The following PCDHAC2 variants were observed in gnomAD, a reference collection of about 807,000 sequenced individuals.
PCDHAC2 encodes the protein protocadherin alpha subfamily C, 2.
A neutral mutation model predicts 63.3 loss-of-function variants in PCDHAC2; 24 were observed. The observed-to-expected ratio is 0.38, with a 90% CI of 0.27 to 0.53. PCDHAC2 has a LOEUF of 0.53. Among genes scored for constraint, PCDHAC2 ranks in the 20% least tolerant of loss-of-function variants. The probability of loss-of-function intolerance (pLI) is 0.81; values close to 1 mark genes in which losing one functional copy is unlikely to be tolerated. For synonymous variants in PCDHAC2, 569 were observed against 529.4 expected (o/e 1.07, Z -1.03); for missense variants, 1,181 against 1,275.2 (o/e 0.93, Z 1.12).
intron 3 of PCDHAC2, among the ~76,000 whole-genome samples, chr5:140,995,873 C>T (rs1554254864): frequency 6.6e-6 from 1 of 152,126 alleles, no homozygotes; most frequent in Non-Finnish European, 1.5e-5. Flanking sequence ...AATTGTGCAA[C>T]CTGTGCTTCA....
rs116202025 is a variant in PCDHAC2, at chr5:140,975,505, A to G, written c.2566-3444A>G. ...ATATCAATGTTCATAAAATAGCACTATGCAAAATCTGCAGTGGATATATTC... is the reference window on the plus strand; with the variant it reads ...ATATCAATGTTCATAAAATAGCACTGTGCAAAATCTGCAGTGGATATATTC... On this transcript the variant is annotated intron_variant, in intron 1 of 3. Transcript: ENST00000289269. Among the ~76,000 whole-genome samples, 512 of 152,350 alleles carry G rather than the reference A, an allele frequency of 3.4e-3. 3 individuals are homozygous for G. Among genetic ancestry groups the G allele is most frequent in the Middle Eastern group, 6.8e-3 (2 of 294 alleles).
Position 140,966,945 on chromosome 5 carries a change from A to G in PCDHAC2, c.179A>G (p.Asn60Ser). ...CAGGCACCCGGCGCGCTCGTGGGCA[A>G]CGTGGCTCGCGCGCTGGGGCTTGAG... is the stretch of plus-strand genomic sequence containing the variant. Reference protein sequence around the residue: ...EEQAPGALVGNVARALGLELR... With the variant: ...EEQAPGALVGSVARALGLELR... Residue 60 changes from asparagine (N) to serine (S), a missense_variant, in exon 1 of 4, where the codon AAC becomes AGC. By Grantham distance (46) the Asn-to-Ser change is conservative. Coordinates refer to ENST00000289269, the MANE Select transcript of PCDHAC2 (RefSeq NM_018899.6). 6.2e-7 allele frequency: 1 copy of G among 1,603,804 alleles called. No individual in the cohort carries two copies. Among genetic ancestry groups the G allele is most frequent in the Non-Finnish European group, 8.5e-7 (1 of 1,178,538 alleles).
chr5:141,009,710 C>A lies in PCDHAC2; in HGVS notation c.2797C>A (p.Pro933Thr), dbSNP rs2098413865. 1 of 1,613,980 alleles carries A rather than the reference C, an allele frequency of 6.2e-7. No individual in the cohort carries two copies. Among genetic ancestry groups the A allele is most frequent in the African/African-American group, 1.3e-5 (1 of 74,884 alleles). Residue 933 changes from proline (P) to threonine (T), a missense_variant, in exon 4 of 4, where the codon CCC becomes ACC. Pro to Thr is a conservative substitution (Grantham distance 38). Transcript: ENST00000289269. ...GACCTTTAAATACGGACCAGGCAAC[C>A]CCAAACAATCCGGTCCCGGTGAGTT... ...SWTFKYGPGN[P>T]KQSGPGELPD...
Position 140,967,495 on chromosome 5 carries a change from C to G in PCDHAC2, c.729C>G (p.Ile243Met). 1 of 1,613,306 alleles carries G rather than the reference C, an allele frequency of 6.2e-7. No homozygotes were observed. The change falls in exon 1 of 4, where the codon ATC becomes ATG. Residue 243 changes from isoleucine to methionine, a missense_variant. This residue lies in a region of PCDHAC2 where 968 missense variants were observed against 1,073.5 expected (regional missense o/e 0.90). Coordinates refer to ENST00000289269, the MANE Select transcript of PCDHAC2 (RefSeq NM_018899.6). ...CAGCCCGCTCGGGTACGGCACAGAT[C>G]TCTGTGCGTGTCCTGGACACTAACG... ...GIPARSGTAQ[I>M]SVRVLDTNDN...
intron 3 of PCDHAC2, among the ~76,000 whole-genome samples, chr5:141,005,998 G>A (rs1289174174): frequency 1.3e-5 from 2 of 151,618 alleles, no homozygotes; most frequent in Non-Finnish European, 2.9e-5. Flanking sequence ...GGATCTGAAA[G>A]AAGGCCTGTA....
chr5:140,967,282 GC>G lies in PCDHAC2; in HGVS notation c.517del (p.Gln173ArgfsTer43). 6.2e-7 allele frequency: 1 copy of G among 1,613,078 alleles called. No individual in the cohort carries two copies. Among genetic ancestry groups the G allele is most frequent in the Non-Finnish European group, 8.5e-7 (1 of 1,179,592 alleles). ...PGARFHIESAQDPDVGANSVQ... is the reference protein window; with the variant it reads ...PGARFHIESAXDPDVGANSVQ... ...GAGCGCGCTTTCACATAGAGAGTGC[GC>G]AGGACCCCGACGTGGGCGCCAACTC... is the stretch of plus-strand genomic sequence containing the variant. On this transcript the variant is annotated frameshift_variant, in exon 1 of 4. Transcript: ENST00000289269. LOFTEE classifies it high-confidence loss of function.
intron 3 of PCDHAC2, among the ~76,000 whole-genome samples, chr5:140,990,966 A>G (rs2097424130): frequency 6.6e-6 from 1 of 152,214 alleles, no homozygotes; most frequent in Non-Finnish European, 1.5e-5. Context: ...GTCTCTTAGA[A>G]CAAGAGAAAG....
intron 1 of PCDHAC2, among the ~76,000 whole-genome samples, chr5:140,974,459 C>G (rs59098360): frequency 0.013 from 1,989 of 152,274 alleles, 54 homozygotes; most frequent in African/African-American, 0.046. Flanking sequence ...TGACTACATT[C>G]AGAGGAAAGT....
At chr5:140,996,622 G>C (rs2097735162) in intron 3 of PCDHAC2, among the ~76,000 whole-genome samples, 1 of 152,156 alleles carries the variant, frequency 6.6e-6, no homozygotes, top group African/African-American at 2.4e-5. Context: ...AATTTCACTG[G>C]TTCCTGCAAA....
chr5:140,988,557 T>G (rs1236263807), intron 3 of PCDHAC2, among the ~76,000 whole-genome samples: 3 of 152,190 alleles, frequency 2.0e-5, no homozygotes, highest in African/African-American at 7.2e-5. Context: ...CTTCATCTTC[T>G]TCTTGGGAAA....
intron 3 of PCDHAC2, among the ~76,000 whole-genome samples, chr5:141,007,525 G>C (rs782132903): frequency 1.3e-4 from 19 of 151,814 alleles, no homozygotes; most frequent in Non-Finnish European, 2.5e-4. Context: ...CTGATATCTC[G>C]CCACTGCACT....
intron 2 of PCDHAC2, chr5:140,982,235 T>C (rs782570505): frequency 2.6e-5 from 17 of 646,792 alleles, no homozygotes; most frequent in Non-Finnish European, 3.9e-5. Flanking sequence ...AAAAACAGAA[T>C]TGCCATAAAG....
chr5:141,001,316 C>T (rs2098007805), intron 3 of PCDHAC2, among the ~76,000 whole-genome samples: 2 of 152,096 alleles, frequency 1.3e-5, no homozygotes, highest in African/African-American at 4.8e-5. Flanking sequence ...AAATAATTTG[C>T]CAAACATCAC....
intron 2 of PCDHAC2, among the ~76,000 whole-genome samples, chr5:140,981,822 G>A (rs1229465317): frequency 6.6e-6 from 1 of 151,926 alleles, no homozygotes; most frequent in Non-Finnish European, 1.5e-5. Flanking sequence ...ATCTCTGCTT[G>A]CCTCTAAAGG....
intron 2 of PCDHAC2, among the ~76,000 whole-genome samples, chr5:140,979,796 T>A (rs1322390860): frequency 3.3e-5 from 5 of 152,236 alleles, no homozygotes; most frequent in Non-Finnish European, 7.3e-5. Flanking sequence ...AAACAAATGA[T>A]CACAACTATC....
Position 140,968,789 on chromosome 5 carries a change from G to C in PCDHAC2, c.2023G>C (p.Ala675Pro). The C allele has an allele frequency of 3.1e-6, 5 of 1,614,180 alleles. No homozygotes were observed. Among genetic ancestry groups the C allele is most frequent in the Non-Finnish European group, 4.2e-6 (5 of 1,180,030 alleles). The change falls in exon 1 of 4, where the codon GCC (alanine) becomes CCC (proline). Residue 675 changes from alanine to proline, a missense_variant. Coordinates refer to ENST00000289269, the MANE Select transcript of PCDHAC2 (RefSeq NM_018899.6). ...AGAGCCATCACTATCAGCCTCTGTG[G>C]CCATTACAGTAGCTGTGGTGGATAG... is the stretch of plus-strand genomic sequence containing the variant. ...NGEPSLSASV[A>P]ITVAVVDRVS...
chr5:140,996,803 G>A (rs2097746425), intron 3 of PCDHAC2, among the ~76,000 whole-genome samples: 1 of 152,224 alleles, frequency 6.6e-6, no homozygotes, highest in African/African-American at 2.4e-5. Flanking sequence ...ATCCAATCAT[G>A]CTTTCCAAAA....
At chr5:141,005,153 C>G (rs1408163088) in intron 3 of PCDHAC2, among the ~76,000 whole-genome samples, 1 of 152,194 alleles carries the variant, frequency 6.6e-6, no homozygotes, top group East Asian at 1.9e-4. Flanking sequence ...GTTTGGTCTG[C>G]TAAAGAGTGG....
chr5:140,999,934 T>C (rs1236304987), intron 3 of PCDHAC2, among the ~76,000 whole-genome samples: 1 of 152,068 alleles, frequency 6.6e-6, no homozygotes, highest in Non-Finnish European at 1.5e-5. Context: ...GCTCAACTCA[T>C]TCCACCCAAA....
Sources: gnomAD v4.1 joint callset for allele counts (sites outside exome capture counted in the v4.1 genomes callset) on GRCh38, gnomAD v4.1.1 for gene constraint, gnomAD v4.1.1 regional missense constraint, MANE v1.5 for transcripts, NCBI Gene and HGNC (gene_info 2026-07-23, HGNC 2026-07-21) for gene names.